The following DMRT1 variants were observed in gnomAD, a reference collection of about 807,000 sequenced individuals.
DMRT1 encodes the protein doublesex- and mab-3-related transcription factor 1.
In DMRT1, 7 loss-of-function variants were observed where a neutral mutation model predicts 32.3. The observed-to-expected ratio is 0.22, with a 90% CI of 0.12 to 0.41. The LOEUF (loss-of-function observed/expected upper bound fraction) is 0.41. Among genes scored for constraint, DMRT1 ranks in the 10% least tolerant of loss-of-function variants. DMRT1 has a pLI of 1.00. For synonymous variants in DMRT1, 278 were observed against 206.1 expected (o/e 1.35, Z -2.99); for missense variants, 625 against 500.5 (o/e 1.25, Z -2.37).
At chr9:901,035 A>G (rs1332732594) in intron 3 of DMRT1, among the ~76,000 whole-genome samples, 1 of 149,686 alleles carries the variant, frequency 6.7e-6, no homozygotes, top group Non-Finnish European at 1.5e-5. Flanking sequence ...TTTTTAATTG[A>G]GAAGGATCTT....
chr9:850,172 T>C (rs1299181917), intron 2 of DMRT1, among the ~76,000 whole-genome samples: 1 of 152,208 alleles, frequency 6.6e-6, no homozygotes, highest in African/African-American at 2.4e-5. Context: ...AGCCACAGGT[T>C]GCTGTCATTC....
At chr9:895,930 G>C (rs910453698) in intron 3 of DMRT1, among the ~76,000 whole-genome samples, 1 of 149,396 alleles carries the variant, frequency 6.7e-6, no homozygotes, top group African/African-American at 2.5e-5. Flanking sequence ...TCAGCCTCCC[G>C]AGTAGCTGGG....
At chr9:873,726 G>A (rs1175440656) in intron 2 of DMRT1, among the ~76,000 whole-genome samples, 1 of 152,062 alleles carries the variant, frequency 6.6e-6, no homozygotes, top group Non-Finnish European at 1.5e-5. Context: ...GTGAAAGGCA[G>A]TGGAAAGGTG....
At chr9:881,510 T>C (rs771740377) in intron 2 of DMRT1, among the ~76,000 whole-genome samples, 2 of 152,200 alleles carry the variant, frequency 1.3e-5, no homozygotes, top group African/African-American at 2.4e-5. Flanking sequence ...GAGCTGACCA[T>C]GAGCAAACTT....
In DMRT1 at chr9:883,216, A is replaced by G. The variant is rs73639462; in HGVS notation, c.539-10696A>G. Among the ~76,000 whole-genome samples, 571 of 152,068 alleles carry G rather than the reference A, an allele frequency of 3.8e-3. 5 individuals carry two copies. The highest frequency in any genetic ancestry group is 0.013 in the African/African-American group (543 of 41,480). ...TTCAGGTTCACTTTGCTATGAAAAG[A>G]GTTCACACCAAGAAAAAAAAAAGGA... On this transcript the variant is annotated intron_variant, in intron 2 of 4. Coordinates refer to ENST00000382276, the MANE Select transcript of DMRT1 (RefSeq NM_021951.3).
chr9:940,578 A>T (rs1388636810), intron 4 of DMRT1, among the ~76,000 whole-genome samples: 1 of 152,212 alleles, frequency 6.6e-6, no homozygotes, highest in Non-Finnish European at 1.5e-5. Context: ...TAAATGCAGG[A>T]CCTAAAATTA....
chr9:930,662 C>T (rs938515940), intron 4 of DMRT1, among the ~76,000 whole-genome samples: 2 of 152,056 alleles, frequency 1.3e-5, no homozygotes, highest in Non-Finnish European at 2.9e-5. Flanking sequence ...CCTGCCTCAG[C>T]TTCCCAAAGT....
At chr9:874,381 C>G (rs971898494) in intron 2 of DMRT1, among the ~76,000 whole-genome samples, 1 of 152,146 alleles carries the variant, frequency 6.6e-6, no homozygotes, top group Non-Finnish European at 1.5e-5. Flanking sequence ...GTATCTAGAT[C>G]TAGTTCTTGC....
At chr9:944,956 C>A (rs879856050) in intron 4 of DMRT1, among the ~76,000 whole-genome samples, 1 of 151,656 alleles carries the variant, frequency 6.6e-6, no homozygotes, top group Admixed American at 6.6e-5. Context: ...CCCAAACAAC[C>A]GACTTAATCT....
intron 4 of DMRT1, among the ~76,000 whole-genome samples, chr9:954,791 G>C (rs1447331150): frequency 6.6e-6 from 1 of 151,726 alleles, no homozygotes; most frequent in African/African-American, 2.4e-5. Context: ...ACAGGTGCGT[G>C]CCACCACGCC....
rs1477216854 is a variant in DMRT1 at position 841,875 on chromosome 9, C to A, written c.37C>A (p.Pro13Thr). ...CGAGGCATTCAGCAAGCCCTCTACA[C>A]CGTCGGAAGCCCCTCACGCCCCCGG... ...NDEAFSKPST[P>T]SEAPHAPGVP... The change falls in exon 1 of 5, where the codon CCG becomes ACG. Residue 13 changes from proline to threonine, a missense_variant. By Grantham distance (38) the Pro-to-Thr change is conservative. Around this residue, in one of 3 missense-constraint regions of DMRT1, gnomAD observed 201 missense variants for 152.0 expected, o/e 1.32. Coordinates refer to ENST00000382276, the MANE Select transcript of DMRT1 (RefSeq NM_021951.3). The A allele has an allele frequency of 1.2e-6, 2 of 1,612,496 alleles. No individual in the cohort carries two copies. The highest frequency in any genetic ancestry group is 1.7e-6 in the Non-Finnish European group (2 of 1,179,508).
At chr9:927,013 C>T (rs1306953810) in intron 4 of DMRT1, among the ~76,000 whole-genome samples, 3 of 152,218 alleles carry the variant, frequency 2.0e-5, no homozygotes, top group Non-Finnish European at 2.9e-5. Flanking sequence ...TGACACTAGC[C>T]AGTTGGGTTA....
At chr9:939,710 A>G (rs923367536) in intron 4 of DMRT1, among the ~76,000 whole-genome samples, 3 of 152,210 alleles carry the variant, frequency 2.0e-5, no homozygotes, top group Non-Finnish European at 4.4e-5. Flanking sequence ...CACGGGGGGA[A>G]AAGTCAAATA....
At chr9:938,550 T>C (rs1289783571) in intron 4 of DMRT1, among the ~76,000 whole-genome samples, 3 of 152,242 alleles carry the variant, frequency 2.0e-5, no homozygotes, top group Non-Finnish European at 4.4e-5. Flanking sequence ...AATTTCTTAA[T>C]ATTTTGTTGC....
At chr9:865,207 G>T (rs957525593) in intron 2 of DMRT1, among the ~76,000 whole-genome samples, 1 of 152,202 alleles carries the variant, frequency 6.6e-6, no homozygotes, top group Non-Finnish European at 1.5e-5. Context: ...CCTGGGAAAA[G>T]AGATTTGTTG....
intron 2 of DMRT1, among the ~76,000 whole-genome samples, chr9:873,941 G>C (rs975363661): frequency 6.6e-6 from 1 of 152,146 alleles, no homozygotes; most frequent in Non-Finnish European, 1.5e-5. Flanking sequence ...ATAGGAAGTG[G>C]GCATATTTAA....
At chr9:844,396 C>A (rs1838812651) in intron 1 of DMRT1, among the ~76,000 whole-genome samples, 2 of 141,816 alleles carry the variant, frequency 1.4e-5, no homozygotes, top group Non-Finnish European at 2.9e-5. Flanking sequence ...TTCTAAGAAA[C>A]CTTGAGAGAA....
rs71327355 is a variant in DMRT1, at chr9:876,540, T to TA, written c.539-17370dup. Among the ~76,000 whole-genome samples the TA allele has an allele frequency of 6.6e-5, 10 of 151,374 alleles. No individual in the cohort carries two copies. The East Asian group carries it at 1.7e-3, about 26-fold the overall frequency. ...CCTCGTCAATAGGCTTTTTTTTTTTTAATCTATTGAGACAGAGTCTTGCCC... is the reference window on the plus strand; with the variant it reads ...CCTCGTCAATAGGCTTTTTTTTTTTTAAATCTATTGAGACAGAGTCTTGCCC... On this transcript the variant is annotated intron_variant, in intron 2 of 4. Coordinates refer to ENST00000382276, the MANE Select transcript of DMRT1 (RefSeq NM_021951.3).
At chr9:861,626 C>A (rs1815680025) in intron 2 of DMRT1, among the ~76,000 whole-genome samples, 1 of 149,698 alleles carries the variant, frequency 6.7e-6, no homozygotes, top group Non-Finnish European at 1.5e-5. Context: ...CCTCACTTCC[C>A]AGAAGGGGCA....
Sources: gnomAD v4.1 joint callset for allele counts (sites outside exome capture counted in the v4.1 genomes callset) on GRCh38, gnomAD v4.1.1 for gene constraint, gnomAD v4.1.1 regional missense constraint, MANE v1.5 for transcripts, NCBI Gene and HGNC (gene_info 2026-07-23, HGNC 2026-07-21) for gene names.